Variants in DLGAP2 observed in about 807,000 individuals in gnomAD.
The protein encoded by DLGAP2 is disks large-associated protein 2.
DLGAP2 carries 26 observed loss-of-function variants against 100.3 expected under a neutral mutation model. The ratio of observed to expected loss-of-function variants is 0.26; its 90% CI spans 0.19 to 0.36. The LOEUF (loss-of-function observed/expected upper bound fraction) is 0.36. DLGAP2 is among the 10% of genes least tolerant of loss of function. DLGAP2 has a pLI of 1.00. For missense variants in DLGAP2, 1,858 were observed against 1,453.2 expected (o/e 1.28, Z -4.53); for synonymous variants, 886 against 630.1 (o/e 1.41, Z -6.08).
rs1198508678 is a variant in DLGAP2, at chr8:1,418,499, C to A, written c.107-82867C>A. 3.3e-5 allele frequency among the ~76,000 whole-genome samples: 5 copies of A among 152,144 alleles called. No homozygotes were observed. In the East Asian group the frequency reaches 9.6e-4, roughly 29 times the overall value. On this transcript the variant is annotated intron_variant, in intron 3 of 14. Transcript: ENST00000637795. The stretch of plus-strand genomic sequence containing the variant: ...TTCTTTCTCTCTTTTAACCCCAAAC[C>A]CACGATTTATGTCTCTACTTTCACA...
chr8:1,266,087 A>G (rs1302689650), intron 3 of DLGAP2, among the ~76,000 whole-genome samples: 1 of 152,202 alleles, frequency 6.6e-6, no homozygotes, highest in Non-Finnish European at 1.5e-5. Flanking sequence ...AGGACATAGA[A>G]CCTCACTGAA....
At chr8:785,224 A>T (rs1374626009) in intron 1 of DLGAP2, among the ~76,000 whole-genome samples, 22 of 50,000 alleles carry the variant, frequency 4.4e-4, no homozygotes, top group African/African-American at 1.8e-3. Flanking sequence ...TCCGCCTCAA[A>T]AAAAAAAAAA....
intron 1 of DLGAP2, among the ~76,000 whole-genome samples, chr8:905,106 G>GAT (rs1798348930): frequency 6.6e-6 from 1 of 152,172 alleles, no homozygotes; most frequent in African/African-American, 2.4e-5. Context: ...CTGCCTTTAG[G>GAT]AAAGTCACAC....
rs561327433 is a variant in DLGAP2 at position 1,391,776 on chromosome 8, C to T, written c.107-109590C>T. Among the ~76,000 whole-genome samples the T allele has an allele frequency of 7.9e-5, 12 of 152,308 alleles. No individual in the cohort carries two copies. In the South Asian group the frequency reaches 2.3e-3, roughly 29 times the overall value. ...ATTTTTCCTAGTTTGAAGAAAACAC[C>T]CTTTCTCAAGCCAGTTTATCCTTAG... is the stretch of plus-strand genomic sequence containing the variant. On this transcript the variant is annotated intron_variant, in intron 3 of 14. Coordinates refer to ENST00000637795, the MANE Select transcript of DLGAP2 (RefSeq NM_001346810.2).
At chr8:1,127,755 G>A (rs547343420) in intron 2 of DLGAP2, among the ~76,000 whole-genome samples, 1 of 152,316 alleles carries the variant, frequency 6.6e-6, no homozygotes, top group Non-Finnish European at 1.5e-5. Flanking sequence ...CCCAGAGGAG[G>A]ACGGTTAACT....
chr8:1,169,803 A>C (rs1195294742), intron 2 of DLGAP2, among the ~76,000 whole-genome samples: 1 of 151,898 alleles, frequency 6.6e-6, no homozygotes, highest in African/African-American at 2.4e-5. Flanking sequence ...GGGATTTTCT[A>C]GATATACAAT....
At chr8:1,084,494 G>C (rs1393995937) in intron 2 of DLGAP2, among the ~76,000 whole-genome samples, 5 of 152,156 alleles carry the variant, frequency 3.3e-5, no homozygotes, top group Non-Finnish European at 7.3e-5. Flanking sequence ...TTGCCCTCCT[G>C]TCCGAGGCTT....
At chr8:1,022,588 T>C (rs1341548396) in intron 2 of DLGAP2, among the ~76,000 whole-genome samples, 37 of 87,098 alleles carry the variant, frequency 4.2e-4, no homozygotes, top group South Asian at 9.4e-4. Flanking sequence ...CCGCCACCCA[T>C]CCTCCCTGGG....
At chr8:745,096 C>T (rs1245168942) in intron 1 of DLGAP2, among the ~76,000 whole-genome samples, 7 of 152,202 alleles carry the variant, frequency 4.6e-5, no homozygotes, top group Admixed American at 6.5e-5. Context: ...TCCCTTCTCC[C>T]GCTGCTTCCG....
rs547360991 is a variant in DLGAP2 at position 1,073,467 on chromosome 8, C to A, written c.73+165501C>A. Among the ~76,000 whole-genome samples, 10 of 152,136 alleles carry A rather than the reference C, an allele frequency of 6.6e-5. No individual in the cohort carries two copies. The South Asian group carries it at 2.1e-3, about 32-fold the overall frequency. On this transcript the variant is annotated intron_variant, in intron 2 of 14. Transcript: ENST00000637795. ...GAAATACAGACATGGATATGTAACT[C>A]AGAAAAAATATACTTGCTCCTGAGC...
chr8:1,412,838 C>T (rs576700546), intron 3 of DLGAP2, among the ~76,000 whole-genome samples: 247 of 151,808 alleles, frequency 1.6e-3, no homozygotes, highest in African/African-American at 5.8e-3. Context: ...GTCTCCAGTG[C>T]TCAGGGCCAC....
chr8:1,003,855 C>T (rs949846859), intron 2 of DLGAP2, among the ~76,000 whole-genome samples: 120 of 152,178 alleles, frequency 7.9e-4, no homozygotes, highest in African/African-American at 2.8e-3. Flanking sequence ...GACATTCTAT[C>T]AAGAGATGAT....
At chr8:1,529,696 T>G in intron 4 of DLGAP2, among the ~76,000 whole-genome samples, 1 of 152,222 alleles carries the variant, frequency 6.6e-6, no homozygotes, top group South Asian at 2.1e-4. Flanking sequence ...TGGCAAATAA[T>G]TACTCTTTGA....
chr8:1,050,376 C>G (rs369586206), intron 2 of DLGAP2, among the ~76,000 whole-genome samples: 1 of 152,328 alleles, frequency 6.6e-6, no homozygotes, highest in East Asian at 1.9e-4. Context: ...ATATCCAACA[C>G]TTTAGTATAA....
intron 1 of DLGAP2, among the ~76,000 whole-genome samples, chr8:799,930 C>T (rs556211320): frequency 3.9e-5 from 6 of 152,302 alleles, no homozygotes; most frequent in Non-Finnish European, 7.3e-5. Flanking sequence ...GCTTAAGTCT[C>T]ATGAATTAAT....
intron 1 of DLGAP2, among the ~76,000 whole-genome samples, chr8:907,586 T>A (rs1798405944): frequency 6.6e-6 from 1 of 152,196 alleles, no homozygotes; most frequent in Non-Finnish European, 1.5e-5. Flanking sequence ...CAAAAATTGG[T>A]GGGTCCATTT....
chr8:1,664,564 C>T (rs1798496360), intron 8 of DLGAP2, among the ~76,000 whole-genome samples: 1 of 152,176 alleles, frequency 6.6e-6, no homozygotes, highest in Admixed American at 6.5e-5. Context: ...GTGAAGCTTG[C>T]CAGGCACTTT....
At chr8:844,172 T>C (rs1797032047) in intron 1 of DLGAP2, among the ~76,000 whole-genome samples, 1 of 152,176 alleles carries the variant, frequency 6.6e-6, no homozygotes, top group African/African-American at 2.4e-5. Context: ...AGAAAGGAAG[T>C]GTGTTTGTGA....
chr8:884,483 T>A (rs1299225357), intron 1 of DLGAP2, among the ~76,000 whole-genome samples: 1 of 151,612 alleles, frequency 6.6e-6, no homozygotes, highest in East Asian at 1.9e-4. Context: ...TTTCGATGTT[T>A]TTTTTTTCCT....
Sources: allele counts gnomAD v4.1 joint callset (sites outside exome capture counted in the v4.1 genomes callset), GRCh38; gene constraint gnomAD v4.1.1; transcripts MANE v1.5; gene names NCBI Gene and HGNC (gene_info 2026-07-23, HGNC 2026-07-21).